SAMHD1: variants seen among roughly 807,000 people sequenced by gnomAD.
SAMHD1 encodes the protein deoxynucleoside triphosphate triphosphohydrolase SAMHD1.
SAMHD1 carries 54 observed loss-of-function variants against 79.6 expected under a neutral mutation model. That is an observed-to-expected ratio of 0.68 (90% CI 0.55 to 0.85). SAMHD1 has a LOEUF of 0.85. Ranked by LOEUF, SAMHD1 falls within the 40% of genes least tolerant of loss-of-function variation. The pLI, the probability that SAMHD1 is intolerant of heterozygous loss-of-function variation, is 0.00. For missense variants in SAMHD1, 663 were observed against 782.7 expected (o/e 0.85, Z 1.82); for synonymous variants, 260 against 264.1 (o/e 0.98, Z 0.15).
rs536030050 is a variant in SAMHD1, at chr20:36,914,580, G to C, written c.1063-2028C>G. On this transcript the variant is annotated intron_variant, in intron 9 of 15. Coordinates refer to ENST00000646673, the MANE Select transcript of SAMHD1 (RefSeq NM_015474.4). ...TGCCCAGGTTGGCCAGGCTGGTCTC[G>C]AACTTCTAACCTCAGGTGATCTGCC... Among the ~76,000 whole-genome samples, 287 of 151,844 alleles carry C rather than the reference G, an allele frequency of 1.9e-3. 1 individual carries two copies. Among genetic ancestry groups the C allele is most frequent in the African/African-American group, 6.4e-3 (267 of 41,464 alleles).
At chr20:36,913,729 T>G (rs1300116908) in intron 9 of SAMHD1, among the ~76,000 whole-genome samples, 1 of 150,366 alleles carries the variant, frequency 6.7e-6, no homozygotes, top group African/African-American at 2.4e-5. Flanking sequence ...AAATAGGTAT[T>G]ACTATTCTTA....
intron 2 of SAMHD1, among the ~76,000 whole-genome samples, chr20:36,945,972 G>A (rs907000732): frequency 4.6e-5 from 7 of 151,570 alleles, no homozygotes; most frequent in African/African-American, 1.7e-4. Flanking sequence ...GCAAACATAG[G>A]ATTTGTACAG....
At chr20:36,937,246 C>T (rs181929941) in intron 3 of SAMHD1, among the ~76,000 whole-genome samples, 2 of 152,098 alleles carry the variant, frequency 1.3e-5, no homozygotes, top group East Asian at 3.9e-4. Context: ...GCTTCAGAGG[C>T]CAACTGAACT....
chr20:36,912,751 A>ATTTTTTTTT (rs66970329), intron 9 of SAMHD1, among the ~76,000 whole-genome samples, 199 bp from the exon 10 acceptor site: 1 of 107,058 alleles, frequency 9.3e-6, no homozygotes, highest in Non-Finnish European at 1.9e-5. Flanking sequence ...TGCAACTTTC[A>ATTTTTTTTT]TTTTTTTTTT....
chr20:36,943,789 A>C (rs1031254374), intron 2 of SAMHD1, among the ~76,000 whole-genome samples: 3 of 152,144 alleles, frequency 2.0e-5, no homozygotes, highest in African/African-American at 7.2e-5. Flanking sequence ...TGTGGTTATG[A>C]AAGAGTCATG....
chr20:36,936,264 A>C (rs994079490), intron 3 of SAMHD1, among the ~76,000 whole-genome samples: 1 of 151,980 alleles, frequency 6.6e-6, no homozygotes, highest in Non-Finnish European at 1.5e-5. Context: ...AAAAGCAAGA[A>C]AATAATTTTG....
intron 12 of SAMHD1, chr20:36,905,020 CT>C: frequency 3.2e-6 from 1 of 308,352 alleles, no homozygotes; most frequent in Admixed American, 4.6e-5. Flanking sequence ...CAGGCACTTT[CT>C]TTTGAGGTTC....
chr20:36,940,881 G>A, intron 3 of SAMHD1, 158 bp downstream of exon 3: 1 of 653,758 alleles, frequency 1.5e-6, no homozygotes, highest in Non-Finnish European at 2.7e-6. Flanking sequence ...AATACTCTGT[G>A]CTCATTTTAG....
In SAMHD1 at chr20:36,892,837, A is replaced by T. The variant is rs147220022; in HGVS notation, c.*95T>A. 1.3e-6 allele frequency: 2 copies of T among 1,485,832 alleles called. No homozygotes were observed. Among genetic ancestry groups the T allele is most frequent in the Admixed American group, 1.7e-5 (1 of 59,846 alleles). 92.0% of individuals were successfully genotyped at this position (1,485,832 alleles called of 1,614,324 possible). Reference sequence around the variant, plus strand: ...GTGTACATTCAAAATACAAAATTAAAGCATGAGTTGTCATTAATTTGCAGA... The same window carrying T: ...GTGTACATTCAAAATACAAAATTAATGCATGAGTTGTCATTAATTTGCAGA... On this transcript the variant is annotated 3_prime_UTR_variant, in exon 16 of 16. Transcript: ENST00000646673.
Position 36,896,089 on chromosome 20 carries a change from T to C in SAMHD1, c.1746+1733A>G, listed in dbSNP as rs6072624. ...TTTTTCTTTTCTTTTCTTTTCTTTT[T>C]GAGACAGAGTCTCGCTCTGTCACCC... On this transcript the variant is annotated intron_variant, in intron 15 of 15. Transcript: ENST00000646673. 4.9e-3 allele frequency among the ~76,000 whole-genome samples: 743 copies of C among 151,532 alleles called. 8 individuals carry two copies. The highest frequency in any genetic ancestry group is 0.011 in the South Asian group (51 of 4,804).
chr20:36,932,400 C>T (rs1295879457), intron 4 of SAMHD1, among the ~76,000 whole-genome samples: 8 of 69,330 alleles, frequency 1.2e-4, no homozygotes, highest in African/African-American at 3.7e-4. Flanking sequence ...TAGGGGGTTG[C>T]GGGGGGTTGC....
At chr20:36,938,790 G>A (rs935974112) in intron 3 of SAMHD1, among the ~76,000 whole-genome samples, 3 of 151,952 alleles carry the variant, frequency 2.0e-5, no homozygotes, top group Non-Finnish European at 4.4e-5. Flanking sequence ...AAGTTGCAGT[G>A]AGCCGAGATT....
chr20:36,931,248 C>T (rs1372833848), intron 4 of SAMHD1, among the ~76,000 whole-genome samples: 1 of 152,172 alleles, frequency 6.6e-6, no homozygotes, highest in East Asian at 1.9e-4. Context: ...CCATGGAAAA[C>T]AGTATGGGTG....
intron 9 of SAMHD1, 120 bp from the exon 10 acceptor site, chr20:36,912,672 G>T: frequency 2.8e-6 from 2 of 720,796 alleles, no homozygotes; most frequent in East Asian, 2.7e-5. Context: ...ATGCACCGGG[G>T]CTTCTTCATT....
rs1449037659 is a variant in SAMHD1 at position 36,893,046 on chromosome 20, T to C, written c.1767A>G (p.Pro589=). 2 of 1,613,530 alleles carry C rather than the reference T, an allele frequency of 1.2e-6. No homozygotes were observed. The highest frequency in any genetic ancestry group is 3.3e-5 in the Admixed American group (2 of 59,972). Residue 589 remains proline, a synonymous_variant, in exon 16 of 16, where the codon CCA becomes CCG. Coordinates refer to ENST00000646673, the MANE Select transcript of SAMHD1 (RefSeq NM_015474.4). The part of the protein sequence containing the change: ...TKPQDGDVIA[P]LITPQKKEWN... ...ATTCCTTTTTTTGAGGTGTTATGAG[T>C]GGGGCTATAACATCGCCATCCTATT...
intron 11 of SAMHD1, among the ~76,000 whole-genome samples, chr20:36,909,943 G>A (rs2148363993): frequency 6.6e-6 from 1 of 151,912 alleles, no homozygotes; most frequent in South Asian, 2.1e-4. Flanking sequence ...TTACTCAGGT[G>A]TGGCCGGGCG....
intron 4 of SAMHD1, among the ~76,000 whole-genome samples, chr20:36,931,646 C>T (rs922772965): frequency 2.0e-5 from 3 of 151,402 alleles, no homozygotes; most frequent in African/African-American, 7.3e-5. Flanking sequence ...CCACCACCCT[C>T]CCCCCAAAAA....
chr20:36,904,045 A>T (rs183355481), intron 13 of SAMHD1, 112 bp downstream of exon 13: 2 of 356,876 alleles, frequency 5.6e-6, no homozygotes, highest in African/African-American at 4.1e-5. Context: ...AGGGCACATC[A>T]TCTTTCTGTA....
rs35505370 is a variant in SAMHD1 at position 36,910,222 on chromosome 20, C to CAA, written c.1270+994_1270+995dup. Among the ~76,000 whole-genome samples, 808 of 121,874 alleles carry CAA rather than the reference C, an allele frequency of 6.6e-3. 8 individuals carry two copies. Among genetic ancestry groups the CAA allele is most frequent in the Middle Eastern group, 0.013 (3 of 238 alleles). 80.0% of individuals were successfully genotyped at this position (121,874 alleles called of 152,430 possible). A position where few individuals can be genotyped will look rare whatever the true frequency, so the allele number is the denominator to read the frequency against. ...TGGGCGACAGAGCAAGACTCCGTAT[C>CAA]AAAAAAAAAAAAAAAAATTCCCAGG... On this transcript the variant is annotated intron_variant, in intron 11 of 15. Coordinates refer to ENST00000646673, the MANE Select transcript of SAMHD1 (RefSeq NM_015474.4).
Sources: gnomAD v4.1 joint callset for allele counts (sites outside exome capture counted in the v4.1 genomes callset) on GRCh38, gnomAD v4.1.1 for gene constraint, MANE v1.5 for transcripts, NCBI Gene and HGNC (gene_info 2026-07-23, HGNC 2026-07-21) for gene names.